CHST11: variants seen among roughly 807,000 people sequenced by gnomAD.
CHST11 encodes the protein carbohydrate sulfotransferase 11.
Under a neutral mutation model 30.4 loss-of-function variants are expected in CHST11, and 9 were observed. The observed-to-expected ratio is 0.30, with a 90% CI of 0.18 to 0.52. The LOEUF is 0.52. CHST11 is among the 20% of genes least tolerant of loss of function. CHST11 has a pLI of 0.97. For missense variants in CHST11, 348 were observed against 460.6 expected, an observed-to-expected ratio of 0.76 and a Z score of 2.24; for synonymous variants, 152 against 187.8, an observed-to-expected ratio of 0.81 and a Z score of 1.56.
chr12:104,598,254 A>G (rs1257657028), intron 1 of CHST11, among the ~76,000 whole-genome samples: 1 of 152,172 alleles, frequency 6.6e-6, no homozygotes, highest in Non-Finnish European at 1.5e-5. Context: ...CTAGCCCAGA[A>G]GTCATTTGTG....
At chr12:104,660,378 G>A (rs750652212) in intron 2 of CHST11, among the ~76,000 whole-genome samples, 1 of 152,228 alleles carries the variant, frequency 6.6e-6, no homozygotes, top group African/African-American at 2.4e-5. Flanking sequence ...TGGCGCAGGT[G>A]GGCCCCCAGC....
At chr12:104,590,521 C>A (rs1464771404) in intron 1 of CHST11, among the ~76,000 whole-genome samples, 1 of 152,176 alleles carries the variant, frequency 6.6e-6, no homozygotes, top group African/African-American at 2.4e-5. Flanking sequence ...ATAGACAAGA[C>A]AGTCCAAGTC....
At chr12:104,459,129 A>C (rs1314253935) in intron 1 of CHST11, among the ~76,000 whole-genome samples, 2 of 152,236 alleles carry the variant, frequency 1.3e-5, no homozygotes, top group Non-Finnish European at 2.9e-5. Context: ...GTTTAATGTC[A>C]GCAAACTACA....
chr12:104,538,611 A>G (rs544705479), intron 1 of CHST11, among the ~76,000 whole-genome samples: 2 of 152,312 alleles, frequency 1.3e-5, no homozygotes, highest in South Asian at 2.1e-4. Flanking sequence ...CCCACATCCT[A>G]TTAAAATCCA....
chr12:104,672,622 G>A (rs183137536), intron 2 of CHST11, among the ~76,000 whole-genome samples: 73 of 152,278 alleles, frequency 4.8e-4, no homozygotes, highest in Admixed American at 2.5e-3. Context: ...AAGGGACCTC[G>A]GGAGGAGTAA....
At chr12:104,488,241 C>T (rs774480375) in intron 1 of CHST11, among the ~76,000 whole-genome samples, 50 of 152,130 alleles carry the variant, frequency 3.3e-4, no homozygotes, top group Non-Finnish European at 5.7e-4. Flanking sequence ...AAAGATGTTG[C>T]TGCCCAAGAT....
At chr12:104,459,369 A>G (rs1334097172) in intron 1 of CHST11, among the ~76,000 whole-genome samples, 3 of 152,092 alleles carry the variant, frequency 2.0e-5, no homozygotes, top group Non-Finnish European at 4.4e-5. Context: ...CAAACAGTTT[A>G]AACAAGGGGC....
chr12:104,494,540 C>T (rs2037780919), intron 1 of CHST11, among the ~76,000 whole-genome samples: 1 of 152,184 alleles, frequency 6.6e-6, no homozygotes, highest in African/African-American at 2.4e-5. Flanking sequence ...TCAGAATATT[C>T]CTTTTAAAGT....
chr12:104,669,681 A>G (rs2039672941), intron 2 of CHST11, among the ~76,000 whole-genome samples: 1 of 152,206 alleles, frequency 6.6e-6, no homozygotes, highest in Non-Finnish European at 1.5e-5. Flanking sequence ...CCCAAGGTCA[A>G]GCTGCGCCCT....
intron 1 of CHST11, among the ~76,000 whole-genome samples, chr12:104,493,946 C>G (rs1222512756): frequency 1.3e-5 from 2 of 152,180 alleles, no homozygotes; most frequent in East Asian, 3.9e-4. Context: ...ACCCCAGCCT[C>G]CCAAGTAGCT....
intron 1 of CHST11, among the ~76,000 whole-genome samples, chr12:104,520,529 C>G (rs2038064942): frequency 6.6e-6 from 1 of 152,110 alleles, no homozygotes. Context: ...AAACAAACCT[C>G]TCAGTCTGCT....
chr12:104,617,768 GTTTC>G (rs1226964275), intron 2 of CHST11, among the ~76,000 whole-genome samples: 2 of 152,076 alleles, frequency 1.3e-5, no homozygotes, highest in African/African-American at 4.8e-5. Context: ...CTGTGCCTCA[GTTTC>G]TTTCTATGTA....
intron 2 of CHST11, among the ~76,000 whole-genome samples, chr12:104,602,762 G>A (rs568617369): frequency 7.9e-5 from 12 of 152,278 alleles, no homozygotes; most frequent in Middle Eastern, 3.4e-3. Context: ...TTCGATAGCC[G>A]TAGAGAAAGA....
At chr12:104,513,123 T>TGGTGGGGGGGGGGGGGGGGGGGGG (rs1555229062) in intron 1 of CHST11, among the ~76,000 whole-genome samples, 3 of 3,384 alleles carry the variant, frequency 8.9e-4, no homozygotes, top group Admixed American at 2.6e-3. Context: ...ATGTCATGAC[T>TGGTGGGGGGGGGGGGGGGGGGGGG]GGGGGGGGGG....
chr12:104,477,669 C>T (rs2037576592), intron 1 of CHST11, among the ~76,000 whole-genome samples: 1 of 152,122 alleles, frequency 6.6e-6, no homozygotes, highest in Admixed American at 6.6e-5. Context: ...GGGACCTTTC[C>T]AGACACCAAA....
intron 2 of CHST11, among the ~76,000 whole-genome samples, chr12:104,699,983 T>G (rs907215894): frequency 2.6e-5 from 4 of 152,240 alleles, no homozygotes; most frequent in East Asian, 1.9e-4. Flanking sequence ...TGGCAAGCTG[T>G]GGTGCCCATC....
chr12:104,487,766 A>C (rs563181383), intron 1 of CHST11, among the ~76,000 whole-genome samples: 1 of 152,044 alleles, frequency 6.6e-6, no homozygotes, highest in East Asian at 1.9e-4. Flanking sequence ...TTCCTGGGTG[A>C]ACATAGAGTT....
rs534494034 is a variant in CHST11 at position 104,680,691 on chromosome 12, C to G, written c.205-76258C>G. 1.8e-4 allele frequency among the ~76,000 whole-genome samples: 28 copies of G among 152,334 alleles called. No homozygotes were observed. The South Asian group carries it at 5.4e-3, about 29-fold the overall frequency. ...TAAAGTCAGTTCCTCTCAATCCCTC[C>G]TCCTCTGGTATGTGCCCACCCAAAC... On this transcript the variant is annotated intron_variant, in intron 2 of 2. Transcript: ENST00000303694.
At chr12:104,719,851 C>T (rs565505130) in intron 2 of CHST11, among the ~76,000 whole-genome samples, 6 of 152,292 alleles carry the variant, frequency 3.9e-5, no homozygotes, top group South Asian at 2.1e-4. Flanking sequence ...CCCAGATGCC[C>T]CAGGGAACAC....
Sources: gnomAD v4.1 joint callset for allele counts (sites outside exome capture counted in the v4.1 genomes callset) on GRCh38, gnomAD v4.1.1 for gene constraint, MANE v1.5 for transcripts, NCBI Gene and HGNC (gene_info 2026-07-23, HGNC 2026-07-21) for gene names.